The following ZNF248 variants were observed in gnomAD, a reference collection of about 807,000 sequenced individuals.
The protein encoded by ZNF248 is KRAB protein domain.
Under a neutral mutation model 44.3 loss-of-function variants are expected in ZNF248, and 20 were observed. That is an observed-to-expected ratio of 0.45 (90% CI 0.32 to 0.66). The LOEUF (loss-of-function observed/expected upper bound fraction) is 0.66, where lower values mean the gene tolerates loss of function less well. ZNF248 is among the 30% of genes least tolerant of loss of function. The pLI is 0.04. For missense variants in ZNF248, 654 were observed against 677.0 expected, an observed-to-expected ratio of 0.97 and a Z score of 0.38; for synonymous variants, 224 against 229.0, an observed-to-expected ratio of 0.98 and a Z score of 0.20.
At chr10:37,804,416 CTTAT>C (rs1467357781) in intron 6 of ZNF248, among the ~76,000 whole-genome samples, 3 of 151,604 alleles carry the variant, frequency 2.0e-5, no homozygotes, top group Non-Finnish European at 4.4e-5. Context: ...AATAGTGAAT[CTTAT>C]TTATTTTATG....
At chr10:37,854,400 A>C (rs1373411383) in intron 3 of ZNF248, among the ~76,000 whole-genome samples, 1 of 152,242 alleles carries the variant, frequency 6.6e-6, no homozygotes, top group South Asian at 2.1e-4. Flanking sequence ...AACCCAAAAG[A>C]AAAATAGGCA....
intron 6 of ZNF248, among the ~76,000 whole-genome samples, chr10:37,783,307 T>C (rs1226190293): frequency 2.0e-5 from 3 of 152,122 alleles, no homozygotes; most frequent in African/African-American, 7.2e-5. Flanking sequence ...AGATAAACTG[T>C]ACTGTTAAAG....
chr10:37,798,662 C>T (rs1054471810), intron 6 of ZNF248, among the ~76,000 whole-genome samples: 3 of 151,590 alleles, frequency 2.0e-5, no homozygotes, highest in African/African-American at 4.8e-5. Flanking sequence ...TATGTGTGGA[C>T]ACAAACATAT....
At chr10:37,850,644 A>G (rs953906324) in intron 3 of ZNF248, among the ~76,000 whole-genome samples, 2 of 152,172 alleles carry the variant, frequency 1.3e-5, no homozygotes, top group Admixed American at 6.5e-5. Context: ...GGCCTACACA[A>G]ATATACTTAA....
chr10:37,791,478 C>T (rs1340229215), intron 6 of ZNF248: 2 of 152,088 alleles, frequency 1.3e-5, no homozygotes, highest in Admixed American at 6.5e-5. Flanking sequence ...CAGGTATACT[C>T]TTTTGTATGG....
chr10:37,852,352 G>A (rs2060420830), intron 3 of ZNF248, among the ~76,000 whole-genome samples: 1 of 152,100 alleles, frequency 6.6e-6, no homozygotes, highest in Non-Finnish European at 1.5e-5. Context: ...CCAGGGAATT[G>A]TACTGAGTGA....
intron 6 of ZNF248, among the ~76,000 whole-genome samples, chr10:37,796,746 C>T (rs1182572539): frequency 5.4e-5 from 8 of 147,670 alleles, no homozygotes; most frequent in African/African-American, 1.8e-4. Flanking sequence ...TTGTTTAATT[C>T]GATTTTACAT....
downstream of ZNF248, among the ~76,000 whole-genome samples, chr10:37,774,494 G>T (rs1415517061): frequency 1.3e-5 from 2 of 152,124 alleles, no homozygotes; most frequent in Non-Finnish European, 2.9e-5. Context: ...AAGAAAAATA[G>T]GGTAAGAGTT....
intron 6 of ZNF248, chr10:37,819,286 T>C (rs2053075707): frequency 1.0e-6 from 1 of 955,486 alleles, no homozygotes; most frequent in Admixed American, 1.7e-5. Context: ...CCTCACAGTA[T>C]TCTAACACTG....
intron 6 of ZNF248, chr10:37,795,566 C>A (rs2049056349): frequency 6.6e-6 from 1 of 152,076 alleles, no homozygotes; most frequent in African/African-American, 2.4e-5. Context: ...TTCATTAAAT[C>A]CTTAGTGTGG....
chr10:37,797,320 T>C (rs1189709387), intron 6 of ZNF248, among the ~76,000 whole-genome samples: 2 of 152,060 alleles, frequency 1.3e-5, no homozygotes, highest in Non-Finnish European at 2.9e-5. Flanking sequence ...ATCAAAGACC[T>C]AAATGAAAGA....
chr10:37,848,957 C>T (rs1303942733), intron 3 of ZNF248, among the ~76,000 whole-genome samples: 1 of 152,046 alleles, frequency 6.6e-6, no homozygotes, highest in East Asian at 1.9e-4. Context: ...TGAGGAAAAG[C>T]AACAGCATAA....
In ZNF248 at chr10:37,856,291, C is replaced by G. The variant is rs1448874694; in HGVS notation, c.15+5G>C. Reference sequence around the variant, plus strand: ...AAACTGGGAATAAAGAAACAAGAATCTCACCTGGGATTTGTTCATTTTCCG... The same window carrying G: ...AAACTGGGAATAAAGAAACAAGAATGTCACCTGGGATTTGTTCATTTTCCG... On this transcript the variant is annotated splice_donor_5th_base_variant and intron_variant, in intron 3 of 5. Coordinates refer to ENST00000395867, the MANE Select transcript of ZNF248 (RefSeq NM_021045.3). The G allele has an allele frequency of 6.2e-7, 1 of 1,613,262 alleles. No homozygotes were observed. The highest frequency in any genetic ancestry group is 8.5e-7 in the Non-Finnish European group (1 of 1,179,464).
chr10:37,820,663 T>C (rs2053315758), intron 6 of ZNF248: 1 of 1,438,380 alleles, frequency 7.0e-7, no homozygotes. Flanking sequence ...TTTTCCACTT[T>C]CGCTGGTCAT....
At chr10:37,801,076 A>T (rs117240938) in intron 6 of ZNF248, among the ~76,000 whole-genome samples, 9,067 of 151,678 alleles carry the variant, frequency 0.06, 344 homozygotes, top group Middle Eastern at 0.099. Context: ...CAACATTTTT[A>T]AAAAAATATC....
downstream of ZNF248, among the ~76,000 whole-genome samples, chr10:37,827,102 G>C (rs909268239): frequency 6.6e-6 from 1 of 152,296 alleles, no homozygotes; most frequent in South Asian, 2.1e-4. Context: ...AGAAAGCTAA[G>C]GAAGTCTCAC....
intron 6 of ZNF248, among the ~76,000 whole-genome samples, chr10:37,813,614 CCTTA>C (rs1327524367): frequency 6.6e-6 from 1 of 151,934 alleles, no homozygotes; most frequent in African/African-American, 2.4e-5. Context: ...TTTTTCTTTA[CCTTA>C]CTTTATTCTA....
intron 6 of ZNF248, chr10:37,819,639 C>T: frequency 2.5e-6 from 2 of 809,848 alleles, no homozygotes; most frequent in South Asian, 2.7e-5. Context: ...TCTAGCCTTT[C>T]CAGCTCTGCC....
In ZNF248 at chr10:37,832,335, T is replaced by C. The variant is rs767629287; in HGVS notation, c.1020A>G (p.Leu340=). Residue 340 remains leucine (L), a synonymous_variant, in exon 6 of 6, where the codon TTA becomes TTG. Transcript: ENST00000395867. ...CCCCCATGTGTACTATTTGATGTTT[T>C]AAGAGAGCTGACTTTTCCCAGGTTT... ...SDKTWEKSAL[L]KHQIVHMGGK... The C allele has an allele frequency of 1.1e-5, 18 of 1,613,996 alleles. No homozygotes were observed. The highest frequency in any genetic ancestry group is 1.4e-5 in the Non-Finnish European group (17 of 1,179,982).
Sources: allele counts gnomAD v4.1 joint callset (sites outside exome capture counted in the v4.1 genomes callset), GRCh38; gene constraint gnomAD v4.1.1; transcripts MANE v1.5; gene names NCBI Gene and HGNC (gene_info 2026-07-23, HGNC 2026-07-21).